Variants in DYSF observed in about 807,000 individuals in gnomAD.
DYSF encodes dysferlin, also known as dystrophy-associated fer-1-like 1.
DYSF carries 212 observed loss-of-function variants against 274.9 expected under a neutral mutation model. The ratio of observed to expected loss-of-function variants is 0.77; its 90% CI spans 0.69 to 0.86. The LOEUF (loss-of-function observed/expected upper bound fraction) is 0.86, where lower values mean the gene tolerates loss of function less well. Among genes scored for constraint, DYSF ranks in the 40% least tolerant of loss-of-function variants. DYSF has a pLI of 0.00. For missense variants in DYSF, 2,666 were observed against 2,783.2 expected (o/e 0.96, Z 0.95); for synonymous variants, 1,091 against 1,078.7 (o/e 1.01, Z -0.22).
intron 43 of DYSF, 98 bp downstream of exon 43, chr2:71,656,388 G>T: frequency 6.4e-7 from 1 of 1,561,544 alleles, no homozygotes; most frequent in South Asian, 1.1e-5. Context: ...TGGTGACCCT[G>T]GTGCTGATGT....
chr2:71,629,121 G>A (rs2094267464), intron 41 of DYSF, among the ~76,000 whole-genome samples: 1 of 152,000 alleles, frequency 6.6e-6, no homozygotes, highest in South Asian at 2.1e-4. Context: ...TATTCTTCAT[G>A]TCTGTCAAAT....
At chr2:71,588,108 G>A (rs2093133122) in intron 30 of DYSF, among the ~76,000 whole-genome samples, 1 of 152,222 alleles carries the variant, frequency 6.6e-6, no homozygotes, top group Non-Finnish European at 1.5e-5. Flanking sequence ...CTTGCTATGG[G>A]AGTGAGTGTG....
At chr2:71,459,399 A>T (rs941673824) in intron 1 of DYSF, among the ~76,000 whole-genome samples, 1 of 152,178 alleles carries the variant, frequency 6.6e-6, no homozygotes, top group Non-Finnish European at 1.5e-5. Context: ...ATAAGTAGTG[A>T]CAGGGGTCAC....
chr2:71,480,953 C>T lies in DYSF; in HGVS notation c.147+15C>T. On this transcript the variant is annotated intron_variant, in intron 2 of 55. Coordinates refer to ENST00000410020, the MANE Select transcript of DYSF (RefSeq NM_001130987.2). ...TATGGAATGAGGTATGTGAGTTTTT[C>T]TCCTTCCTTTTCTCTCTGTCTGCTG... 1.9e-6 allele frequency: 3 copies of T among 1,613,218 alleles called. No homozygotes were observed. The highest frequency in any genetic ancestry group is 2.5e-6 in the Non-Finnish European group (3 of 1,179,146).
intron 14 of DYSF, among the ~76,000 whole-genome samples, chr2:71,534,262 G>A (rs2089063541): frequency 6.6e-6 from 1 of 152,232 alleles, no homozygotes; most frequent in Admixed American, 6.5e-5. Flanking sequence ...TTATTTTCAT[G>A]TGTAGAACAT....
At chr2:71,543,378 T>C (rs1274911721) in intron 17 of DYSF, among the ~76,000 whole-genome samples, 2 of 129,330 alleles carry the variant, frequency 1.5e-5, no homozygotes, top group African/African-American at 6.0e-5. Flanking sequence ...CTTCCCAGAC[T>C]GGGCAGCCGG....
intron 4 of DYSF, among the ~76,000 whole-genome samples, chr2:71,506,443 A>T (rs1484085592): frequency 6.6e-6 from 1 of 152,128 alleles, no homozygotes; most frequent in Non-Finnish European, 1.5e-5. Flanking sequence ...TGGACACACG[A>T]TTGACTGACA....
At chr2:71,482,179 C>T (rs1379112621) in intron 3 of DYSF, among the ~76,000 whole-genome samples, 1 of 152,138 alleles carries the variant, frequency 6.6e-6, no homozygotes, top group Non-Finnish European at 1.5e-5. Flanking sequence ...AGCTTCCAGG[C>T]TACAGGGGAG....
In DYSF at chr2:71,470,773, CTTCCTTCCTTCA is replaced by C. The variant is rs1434259297; in HGVS notation, c.91+3852_91+3863del. 2.9e-3 allele frequency among the ~76,000 whole-genome samples: 395 copies of C among 137,836 alleles called. 2 individuals carry two copies. Among genetic ancestry groups the C allele is most frequent in the African/African-American group, 6.8e-3 (241 of 35,382 alleles). The allele number at this position is 137,836 out of a possible 152,430, so 90.4% of individuals were successfully genotyped here. On this transcript the variant is annotated intron_variant, in intron 1 of 55. Coordinates refer to ENST00000410020, the MANE Select transcript of DYSF (RefSeq NM_001130987.2). ...CCTTCCTTCCTTCCTTCCTTCCTTC[CTTCCTTCCTTCA>C]TTCCTTCCTTCTTTTTTTTTTTTGA...
At chr2:71,473,069 T>A (rs1209068166) in intron 1 of DYSF, among the ~76,000 whole-genome samples, 1 of 152,076 alleles carries the variant, frequency 6.6e-6, no homozygotes, top group African/African-American at 2.4e-5. Flanking sequence ...CCAGCTAGGA[T>A]TTAGGAAGGT....
At chr2:71,526,415 C>CGCGGGGGGGGGGGGGGGGG in intron 13 of DYSF, 69 bp downstream of exon 13, 8 of 411,214 alleles carry the variant, frequency 1.9e-5, no homozygotes, top group Non-Finnish European at 2.7e-5. Flanking sequence ...TGGGGGTGGG[C>CGCGGGGGGGGGGGGGGGGG]GATGGCGGGC....
chr2:71,636,462 G>A (rs1428083991), intron 41 of DYSF, among the ~76,000 whole-genome samples: 5 of 152,154 alleles, frequency 3.3e-5, no homozygotes, highest in South Asian at 2.1e-4. Context: ...AGTGCAGGTC[G>A]TGAGGAACAG....
At position 71,602,690 on chromosome 2, in the gene DYSF, C is replaced by T. The variant is rs1026601955; in HGVS notation, c.3928-86C>T. 6 of 1,467,152 alleles carry T rather than the reference C, an allele frequency of 4.1e-6. No homozygotes were observed. The Admixed American group carries it at 5.9e-5, about 14-fold the overall frequency. The allele number at this position is 1,467,152 out of a possible 1,614,324, so 90.9% of individuals were successfully genotyped here. On this transcript the variant is annotated intron_variant, in intron 35 of 55. Coordinates refer to ENST00000410020, the MANE Select transcript of DYSF (RefSeq NM_001130987.2). ...TGCTGACCTCTGGCCCCGCCTAGTGCGCCTTGATACTAATAGAGAACTTTT... is the reference window on the plus strand; with the variant it reads ...TGCTGACCTCTGGCCCCGCCTAGTGTGCCTTGATACTAATAGAGAACTTTT...
rs114565430 is a variant in DYSF at position 71,523,032 on chromosome 2, C to T, written c.1149+2128C>T. 5.0e-3 allele frequency among the ~76,000 whole-genome samples: 766 copies of T among 152,250 alleles called. 7 individuals carry two copies. The highest frequency in any genetic ancestry group is 0.017 in the African/African-American group (719 of 41,536). Reference sequence around the variant, plus strand: ...GGTTCAGCTGGTGTAACAAAGATGCCCCAAATAATAGGCATTAAGGAGGAC... The same window carrying T: ...GGTTCAGCTGGTGTAACAAAGATGCTCCAAATAATAGGCATTAAGGAGGAC... On this transcript the variant is annotated intron_variant, in intron 12 of 55. Coordinates refer to ENST00000410020, the MANE Select transcript of DYSF (RefSeq NM_001130987.2).
chr2:71,537,360 C>T (rs949531713), intron 16 of DYSF, among the ~76,000 whole-genome samples: 1 of 151,282 alleles, frequency 6.6e-6, no homozygotes, highest in Non-Finnish European at 1.5e-5. Context: ...ATTCTCCTGC[C>T]TCAGCCTCCC....
intron 41 of DYSF, among the ~76,000 whole-genome samples, chr2:71,637,719 A>G (rs1338611314): frequency 6.6e-6 from 1 of 152,162 alleles, no homozygotes; most frequent in East Asian, 1.9e-4. Context: ...CCAGAAGTAC[A>G]ATGGAACAAG....
intron 41 of DYSF, among the ~76,000 whole-genome samples, chr2:71,629,963 A>G (rs545991637): frequency 1.6e-4 from 25 of 152,354 alleles, no homozygotes; most frequent in Non-Finnish European, 2.8e-4. Flanking sequence ...CTATGAATAC[A>G]CATGAGCCAT....
chr2:71,526,126 G>A, intron 12 of DYSF, 94 bp from the exon 13 acceptor site: 1 of 1,609,880 alleles, frequency 6.2e-7, no homozygotes, highest in South Asian at 1.1e-5. Flanking sequence ...GCAGAATGCA[G>A]CATTTATGTG....
At position 71,570,927 on chromosome 2, in the gene DYSF, C is replaced by CAGATCACACCCAGCATACCCAA. The variant is rs1483899538; in HGVS notation, c.3228+205_3228+226dup. The CAGATCACACCCAGCATACCCAA allele has an allele frequency of 1.3e-3, 1,004 of 799,062 alleles. 10 individuals are homozygous for CAGATCACACCCAGCATACCCAA. Among genetic ancestry groups the CAGATCACACCCAGCATACCCAA allele is most frequent in the East Asian group, 8.3e-3 (306 of 36,762 alleles). 49.5% of individuals were successfully genotyped at this position (799,062 alleles called of 1,614,324 possible). On this transcript the variant is annotated intron_variant, in intron 29 of 55. Coordinates refer to ENST00000410020, the MANE Select transcript of DYSF (RefSeq NM_001130987.2). ...CCAAAGATCACACCCAGCATACACA[C>CAGATCACACCCAGCATACCCAA]AGATCACACCCAGCATACCCAAAGA...
Sources: gnomAD v4.1 joint callset for allele counts (sites outside exome capture counted in the v4.1 genomes callset) on GRCh38, gnomAD v4.1.1 for gene constraint, MANE v1.5 for transcripts, NCBI Gene and HGNC (gene_info 2026-07-23, HGNC 2026-07-21) for gene names.